The following MIS18A variants were observed in gnomAD, a reference collection of about 807,000 sequenced individuals.
The protein encoded by MIS18A is MIS18 kinetochore protein A, also known as protein Mis18-alpha.
A neutral mutation model predicts 25.0 loss-of-function variants in MIS18A; 14 were observed. The ratio of observed to expected loss-of-function variants is 0.56; its 90% confidence interval spans 0.37 to 0.88. The LOEUF is 0.88. MIS18A is among the 40% of genes least tolerant of loss of function. The pLI is 0.00. For synonymous variants in MIS18A, 134 were observed against 118.6 expected (o/e 1.13, Z -0.84); for missense variants, 292 against 290.8 (o/e 1.00, Z -0.03).
chr21:32,257,855 A>T, the MIS18A span, among the ~76,000 whole-genome samples: 2 of 152,110 alleles, frequency 1.3e-5, no homozygotes, highest in East Asian at 3.9e-4. Context: ...TATTTTTTTA[A>T]TCTGTTTCAG....
the MIS18A span, among the ~76,000 whole-genome samples, chr21:32,253,392 C>T: frequency 7.6e-6 from 1 of 132,268 alleles, no homozygotes; most frequent in Non-Finnish European, 1.6e-5. Flanking sequence ...AATCGCCCTC[C>T]CCCCACCCCC....
At chr21:32,231,223 G>A in the MIS18A span, among the ~76,000 whole-genome samples, 9 of 143,418 alleles carry the variant, frequency 6.3e-5, no homozygotes, top group African/African-American at 7.8e-5. Context: ...GCGACACAGC[G>A]AGACCCTGTC....
the MIS18A span, among the ~76,000 whole-genome samples, chr21:32,232,149 A>G: frequency 6.6e-6 from 1 of 152,162 alleles, no homozygotes; most frequent in Non-Finnish European, 1.5e-5. Flanking sequence ...CTCTATCTCT[A>G]TATATCTATA....
chr21:32,202,768 G>A, the MIS18A span, among the ~76,000 whole-genome samples: 1 of 152,162 alleles, frequency 6.6e-6, no homozygotes, highest in Non-Finnish European at 1.5e-5. Flanking sequence ...TTAGTACAAT[G>A]TCTTCAAGGT....
intron 2 of MIS18A, among the ~76,000 whole-genome samples, chr21:32,270,876 T>C (rs2031702274): frequency 6.6e-6 from 1 of 152,216 alleles, no homozygotes; most frequent in Admixed American, 6.5e-5. Context: ...CTGTCACTAC[T>C]CACCTCTGCC....
the MIS18A span, among the ~76,000 whole-genome samples, chr21:32,205,943 G>A: frequency 0.015 from 2,212 of 152,238 alleles, 52 homozygotes; most frequent in African/African-American, 0.051. Flanking sequence ...CCCCATTCCA[G>A]TCGTTCTTGG....
At chr21:32,265,397 C>T (rs566221227), downstream of MIS18A, among the ~76,000 whole-genome samples, 410 of 152,288 alleles carry the variant, frequency 2.7e-3, 3 homozygotes, top group Admixed American at 6.6e-3. Flanking sequence ...TCCGGGTGGG[C>T]GTGGGCTTAG....
the MIS18A span, among the ~76,000 whole-genome samples, chr21:32,191,267 C>T: frequency 1.3e-5 from 2 of 152,154 alleles, no homozygotes; most frequent in Non-Finnish European, 2.9e-5. Context: ...TCCCAAAGCC[C>T]GAAATCCACC....
At chr21:32,278,538 C>T in intron 1 of MIS18A, 143 bp downstream of exon 1, 1 of 910,814 alleles carries the variant, frequency 1.1e-6, no homozygotes, top group Non-Finnish European at 1.6e-6. Flanking sequence ...CTTTTCCTGC[C>T]ACAGCTCACA....
At chr21:32,177,388 T>C in the MIS18A span, among the ~76,000 whole-genome samples, 3 of 152,128 alleles carry the variant, frequency 2.0e-5, no homozygotes, top group South Asian at 6.2e-4. Context: ...CCATCTGAGA[T>C]CAAGAATAAA....
downstream of MIS18A, among the ~76,000 whole-genome samples, chr21:32,265,732 C>T (rs1016902135): frequency 1.4e-4 from 21 of 152,386 alleles, no homozygotes; most frequent in Admixed American, 6.5e-4. Flanking sequence ...GGGCACAGGA[C>T]GGGCAGGCAG....
chr21:32,261,494 T>C, the MIS18A span: 2 of 152,210 alleles, frequency 1.3e-5, no homozygotes, highest in African/African-American at 2.4e-5. Flanking sequence ...AAAGAATCAA[T>C]AGAGTGGTTA....
At chr21:32,239,568 C>T in the MIS18A span, among the ~76,000 whole-genome samples, 1 of 152,280 alleles carries the variant, frequency 6.6e-6, no homozygotes, top group East Asian at 1.9e-4. Context: ...AGATTCTCAC[C>T]ATGAAAGGTT....
the MIS18A span, among the ~76,000 whole-genome samples, chr21:32,163,688 T>C: frequency 6.6e-6 from 1 of 152,196 alleles, no homozygotes; most frequent in African/African-American, 2.4e-5. Context: ...TGGGAGAAGC[T>C]ACGTCTATTG....
intron 1 of MIS18A, among the ~76,000 whole-genome samples, chr21:32,276,278 G>C: frequency 6.6e-6 from 1 of 151,704 alleles, no homozygotes; most frequent in East Asian, 1.9e-4. Flanking sequence ...GGCTAACATG[G>C]TGAAACCCCG....
At chr21:32,257,566 C>T in the MIS18A span, among the ~76,000 whole-genome samples, 5 of 152,192 alleles carry the variant, frequency 3.3e-5, no homozygotes, top group South Asian at 2.1e-4. Flanking sequence ...AGCTATCAAT[C>T]GAGGTTTCCA....
In MIS18A at chr21:32,269,005, G is replaced by A. The variant is rs2123462547; in HGVS notation, c.*32C>T. The A allele has an allele frequency of 6.8e-7, 1 of 1,468,104 alleles. No homozygotes were observed. Among genetic ancestry groups the A allele is most frequent in the African/African-American group, 1.4e-5 (1 of 71,700 alleles). The allele number at this position is 1,468,104 out of a possible 1,614,324, so 90.9% of individuals were successfully genotyped here. On this transcript the variant is annotated 3_prime_UTR_variant, in exon 5 of 5. Coordinates refer to ENST00000290130, the MANE Select transcript of MIS18A (RefSeq NM_018944.3). ...CATTTAACAAATAAGGGGAGGAAGG[G>A]CGGGGGCAGAATGGAGGACACAGAC...
the MIS18A span, among the ~76,000 whole-genome samples, chr21:32,177,997 C>T: frequency 3.3e-5 from 5 of 152,104 alleles, no homozygotes; most frequent in Admixed American, 1.3e-4. Context: ...TCACTACAGC[C>T]TTGACCTCCA....
chr21:32,218,808 C>T, the MIS18A span, among the ~76,000 whole-genome samples: 1 of 151,996 alleles, frequency 6.6e-6, no homozygotes, highest in Non-Finnish European at 1.5e-5. Flanking sequence ...AGAAATAAAT[C>T]TTATCAGCCA....
Sources: allele counts gnomAD v4.1 joint callset (sites outside exome capture counted in the v4.1 genomes callset), GRCh38; gene constraint gnomAD v4.1.1; transcripts MANE v1.5; gene names NCBI Gene and HGNC (gene_info 2026-07-23, HGNC 2026-07-21).